Variants in SEMA3A observed in about 807,000 individuals in gnomAD.
The protein encoded by SEMA3A is semaphorin 3A, also known as semaphorin-3A.
Under a neutral mutation model 97.9 loss-of-function variants are expected in SEMA3A, and 29 were observed. The observed-to-expected ratio is 0.30, with a 90% CI of 0.22 to 0.40. The LOEUF is 0.40. Among genes scored for constraint, SEMA3A ranks in the 10% least tolerant of loss-of-function variants. The pLI is 1.00. For missense variants in SEMA3A, 763 were observed against 951.3 expected (o/e 0.80, Z 2.60); for synonymous variants, 321 against 323.7 (o/e 0.99, Z 0.09).
chr7:84,321,021 C>T (rs1016622319), intron 2 of SEMA3A, among the ~76,000 whole-genome samples: 3 of 152,140 alleles, frequency 2.0e-5, no homozygotes, highest in Non-Finnish European at 2.9e-5. Context: ...AGCTGAATTT[C>T]ATTCTTTCTT....
chr7:84,358,285 C>A (rs1802621688), intron 2 of SEMA3A, among the ~76,000 whole-genome samples: 2 of 152,132 alleles, frequency 1.3e-5, no homozygotes, highest in South Asian at 2.1e-4. Flanking sequence ...ACATTTAAGT[C>A]TTTAATCCAT....
chr7:84,395,234 AT>A (rs1328703040), intron 1 of SEMA3A, among the ~76,000 whole-genome samples: 1 of 152,060 alleles, frequency 6.6e-6, no homozygotes, highest in Admixed American at 6.6e-5. Flanking sequence ...TATAGAACTC[AT>A]TTGGTGGGAG....
chr7:84,333,508 T>C (rs1311376082), intron 2 of SEMA3A, among the ~76,000 whole-genome samples: 20 of 152,092 alleles, frequency 1.3e-4, no homozygotes, highest in East Asian at 1.9e-4. Flanking sequence ...CTTTAGTTAA[T>C]AGAATGATAC....
chr7:84,190,270 CTAAG>C (rs566360763), intron 1 of SEMA3A, among the ~76,000 whole-genome samples: 43 of 151,610 alleles, frequency 2.8e-4, no homozygotes, highest in Non-Finnish European at 4.7e-4. Flanking sequence ...AGATGTGTGA[CTAAG>C]TGTTTTATTT....
intron 15 of SEMA3A, among the ~76,000 whole-genome samples, chr7:83,972,082 T>TA (rs985309825): frequency 6.6e-5 from 10 of 151,964 alleles, no homozygotes; most frequent in African/African-American, 2.4e-4. Context: ...CACATACATA[T>TA]ACATAGATAT....
intron 2 of SEMA3A, among the ~76,000 whole-genome samples, chr7:84,307,537 G>A (rs928122367): frequency 6.6e-6 from 1 of 152,098 alleles, no homozygotes; most frequent in Non-Finnish European, 1.5e-5. Flanking sequence ...CGGATTTGAT[G>A]GAGTTTGAAA....
chr7:84,139,694 T>C (rs1796243684), intron 1 of SEMA3A, among the ~76,000 whole-genome samples: 4 of 152,046 alleles, frequency 2.6e-5, no homozygotes, highest in Admixed American at 2.6e-4. Flanking sequence ...AGCAGTGTTG[T>C]CAATTATAAA....
intron 1 of SEMA3A, among the ~76,000 whole-genome samples, chr7:84,443,016 T>C (rs1805309872): frequency 6.6e-6 from 1 of 152,070 alleles, no homozygotes; most frequent in Non-Finnish European, 1.5e-5. Flanking sequence ...AATTATATGA[T>C]AATTGTTGAA....
intron 1 of SEMA3A, among the ~76,000 whole-genome samples, chr7:84,424,744 T>A (rs1343820540): frequency 5.0e-5 from 5 of 100,834 alleles, no homozygotes; most frequent in Non-Finnish European, 6.9e-5. Flanking sequence ...TATATTTAGA[T>A]ATCAATATAT....
Position 84,069,626 on chromosome 7 carries a change from A to G in SEMA3A, c.454-9068T>C, listed in dbSNP as rs538520253. ...AAGGTTTCATGAAAAAATAATTTAA[A>G]TTAGAAAAAGTACATTATTTTTCTA... On this transcript the variant is annotated intron_variant, in intron 4 of 16. Transcript: ENST00000265362. 2.2e-4 allele frequency among the ~76,000 whole-genome samples: 33 copies of G among 152,246 alleles called. No individual in the cohort carries two copies. The South Asian group carries it at 6.8e-3, about 32-fold the overall frequency.
At chr7:84,153,920 G>C (rs1306726435) in intron 1 of SEMA3A, among the ~76,000 whole-genome samples, 1 of 151,936 alleles carries the variant, frequency 6.6e-6, no homozygotes, top group East Asian at 1.9e-4. Flanking sequence ...ACATATTAAT[G>C]AATGAATCCT....
intron 13 of SEMA3A, among the ~76,000 whole-genome samples, chr7:83,983,505 C>G (rs918674957): frequency 6.6e-6 from 1 of 151,754 alleles, no homozygotes; most frequent in South Asian, 2.1e-4. Context: ...ACCTAAATAA[C>G]AGTATCTAAT....
At chr7:84,435,095 C>T (rs895511858) in intron 1 of SEMA3A, among the ~76,000 whole-genome samples, 1 of 152,132 alleles carries the variant, frequency 6.6e-6, no homozygotes, top group Non-Finnish European at 1.5e-5. Flanking sequence ...TCATTGTATA[C>T]CTAGAAATCC....
At chr7:84,349,805 CT>C (rs1204190382) in intron 2 of SEMA3A, among the ~76,000 whole-genome samples, 2 of 151,826 alleles carry the variant, frequency 1.3e-5, no homozygotes, top group Admixed American at 1.3e-4. Context: ...AGTTATAGGT[CT>C]TTTTTTTCCA....
chr7:84,302,801 AAATGTAG>A (rs1370353690), intron 3 of SEMA3A, among the ~76,000 whole-genome samples: 5 of 152,134 alleles, frequency 3.3e-5, no homozygotes, highest in Admixed American at 2.0e-4. Context: ...TAAGGGAAAC[AAATGTAG>A]AATTAGAGTT....
chr7:83,959,868 G>A lies in SEMA3A; in HGVS notation c.*1503C>T, dbSNP rs748885355. 6 of 152,058 alleles carry A rather than the reference G, an allele frequency of 3.9e-5. No homozygotes were observed. The highest frequency in any genetic ancestry group is 2.1e-4 in the South Asian group (1 of 4,836). 9.4% of individuals were successfully genotyped at this position (152,058 alleles called of 1,614,324 possible). A position where few individuals can be genotyped will look rare whatever the true frequency, so the allele number is the denominator to read the frequency against. ...CAAAGTCAGTGATTCTCAACGAATC[G>A]TCTTAGGACAATGAAGGAAGCAAAT... On this transcript the variant is annotated 3_prime_UTR_variant, in exon 17 of 17. Transcript: ENST00000265362.
intron 1 of SEMA3A, among the ~76,000 whole-genome samples, chr7:84,478,982 T>C (rs1369669302): frequency 6.6e-5 from 10 of 152,290 alleles, no homozygotes; most frequent in African/African-American, 1.2e-4. Flanking sequence ...TTGTCAAATA[T>C]ATACTAATGT....
At chr7:84,481,143 T>C (rs966384530) in intron 1 of SEMA3A, among the ~76,000 whole-genome samples, 3 of 152,176 alleles carry the variant, frequency 2.0e-5, no homozygotes, top group African/African-American at 7.2e-5. Flanking sequence ...TTGTATTTTC[T>C]AGCTCCAAAG....
intron 2 of SEMA3A, among the ~76,000 whole-genome samples, chr7:84,338,406 C>A: frequency 6.6e-6 from 1 of 151,934 alleles, no homozygotes; most frequent in East Asian, 1.9e-4. Flanking sequence ...TTACATTCCT[C>A]CCAAATTTTT....
Sources: gnomAD v4.1 joint callset for allele counts (sites outside exome capture counted in the v4.1 genomes callset) on GRCh38, gnomAD v4.1.1 for gene constraint, MANE v1.5 for transcripts, NCBI Gene and HGNC (gene_info 2026-07-23, HGNC 2026-07-21) for gene names.